The following CHURC1 variants were observed in gnomAD, a reference collection of about 807,000 sequenced individuals.
CHURC1 encodes churchill domain containing 1.
In CHURC1, 12 loss-of-function variants were observed where a neutral mutation model predicts 15.4. The observed-to-expected ratio is 0.78, with a 90% confidence interval of 0.50 to 1.27. The LOEUF is 1.27. Ranked by LOEUF, CHURC1 falls within the 50% of genes most tolerant of loss-of-function variation. The pLI is 0.00. For synonymous variants in CHURC1, 42 were observed against 47.5 expected (o/e 0.88, Z 0.48); for missense variants, 132 against 137.8 (o/e 0.96, Z 0.21).
At chr14:64,920,796 T>C (rs963939366) in intron 1 of CHURC1, among the ~76,000 whole-genome samples, 10 of 152,252 alleles carry the variant, frequency 6.6e-5, no homozygotes, top group Non-Finnish European at 1.5e-4. Flanking sequence ...CTTAATTTTT[T>C]GGAGTCCTTG....
chr14:64,924,327 T>C, intron 2 of CHURC1: 1 of 523,946 alleles, frequency 1.9e-6, no homozygotes, highest in East Asian at 4.1e-5. Context: ...CTTTTGCAGA[T>C]AACTAAAGCT....
chr14:64,915,613 C>G (rs1176240437), intron 1 of CHURC1, among the ~76,000 whole-genome samples: 1 of 152,094 alleles, frequency 6.6e-6, no homozygotes, highest in African/African-American at 2.4e-5. Flanking sequence ...TTCCTTATGT[C>G]TTAGTATCTT....
chr14:64,932,358 T>A lies in CHURC1; in HGVS notation c.*128T>A. On this transcript the variant is annotated 3_prime_UTR_variant, in exon 4 of 4. Transcript: ENST00000549115. ...TTTTTTTCTGCTTAGACTTACTTAT[T>A]CTTTGAGGAAAAAAGGTAATGTAGG... is the stretch of plus-strand genomic sequence containing the variant. 1 of 1,453,562 alleles carries A rather than the reference T, an allele frequency of 6.9e-7. No homozygotes were observed. Among genetic ancestry groups the A allele is most frequent in the South Asian group, 1.5e-5 (1 of 66,846 alleles). 90.0% of individuals were successfully genotyped at this position (1,453,562 alleles called of 1,614,324 possible).
chr14:64,917,785 A>G (rs754893668), intron 1 of CHURC1, among the ~76,000 whole-genome samples: 1 of 152,238 alleles, frequency 6.6e-6, no homozygotes, highest in Admixed American at 6.5e-5. Flanking sequence ...GGGGAGACCT[A>G]TACATGATCA....
At chr14:64,917,882 A>G (rs1254444503) in intron 1 of CHURC1, among the ~76,000 whole-genome samples, 1 of 152,242 alleles carries the variant, frequency 6.6e-6, no homozygotes, top group Non-Finnish European at 1.5e-5. Context: ...AAAAAACAAA[A>G]TTGGGGACAA....
intron 1 of CHURC1, among the ~76,000 whole-genome samples, chr14:64,915,290 G>C (rs1883795417): frequency 6.6e-6 from 1 of 152,204 alleles, no homozygotes; most frequent in East Asian, 1.9e-4. Flanking sequence ...GAGCCACCAC[G>C]TCCAGCTGGA....
chr14:64,929,570 T>G (rs529269192), intron 3 of CHURC1, among the ~76,000 whole-genome samples: 18 of 148,816 alleles, frequency 1.2e-4, no homozygotes, highest in Admixed American at 1.1e-3. Context: ...CCAGCCACCA[T>G]TGTTGTTTTA....
intron 3 of CHURC1, among the ~76,000 whole-genome samples, chr14:64,930,509 A>G (rs1435398050): frequency 1.3e-5 from 2 of 152,244 alleles, no homozygotes; most frequent in African/African-American, 4.8e-5. Flanking sequence ...TTGACTTGCA[A>G]TGAAATTTGG....
chr14:64,933,265 TGG>T lies in CHURC1; in HGVS notation c.*1036_*1037del, dbSNP rs1885174103. 2 of 514,988 alleles carry T rather than the reference TGG, an allele frequency of 3.9e-6. No individual in the cohort carries two copies. The highest frequency in any genetic ancestry group is 4.2e-5 in the African/African-American group (2 of 48,176). 31.9% of individuals were successfully genotyped at this position (514,988 alleles called of 1,614,324 possible). A position where few individuals can be genotyped will look rare whatever the true frequency, so the allele number is the denominator to read the frequency against. ...GAAGACATGACTGCTAGATGTAATG[TGG>T]TATCCTACATGGAATTATATACCAC... On this transcript the variant is annotated 3_prime_UTR_variant, in exon 4 of 4. Transcript: ENST00000549115.
intron 1 of CHURC1, among the ~76,000 whole-genome samples, chr14:64,915,640 C>T (rs1427435150): frequency 6.6e-6 from 1 of 152,160 alleles, no homozygotes; most frequent in Non-Finnish European, 1.5e-5. Flanking sequence ...AATACTTAGG[C>T]TTTTGAGTAG....
Position 64,932,280 on chromosome 14 carries a change from A to C in CHURC1, c.*50A>C. The C allele has an allele frequency of 6.3e-7, 1 of 1,593,084 alleles. No individual in the cohort carries two copies. The highest frequency in any genetic ancestry group is 8.6e-7 in the Non-Finnish European group (1 of 1,167,122). On this transcript the variant is annotated 3_prime_UTR_variant, in exon 4 of 4. Coordinates refer to ENST00000549115, the MANE Select transcript of CHURC1 (RefSeq NM_001386928.1). ...ACTATATTGTGTTGGTTTACAATAC[A>C]GCAAGCCTGATGGTTTGTCTTATTT... is the stretch of plus-strand genomic sequence containing the variant.
chr14:64,924,529 G>GCTGC (rs1884548552), intron 2 of CHURC1: 1 of 152,458 alleles, frequency 6.6e-6, no homozygotes, highest in African/African-American at 2.4e-5. Context: ...CTATTAAAGT[G>GCTGC]TTTAGGGCTG....
intron 1 of CHURC1, among the ~76,000 whole-genome samples, chr14:64,918,957 C>T (rs1424654490): frequency 6.6e-6 from 1 of 152,200 alleles, no homozygotes; most frequent in Non-Finnish European, 1.5e-5. Flanking sequence ...TTTATTTTTA[C>T]AGACTAGAAA....
intron 3 of CHURC1, 114 bp downstream of exon 3, chr14:64,926,194 A>T: frequency 4.1e-6 from 2 of 485,146 alleles, no homozygotes; most frequent in Non-Finnish European, 6.8e-6. Context: ...GTTAGCATAT[A>T]TTAAAGGAGA....
intron 1 of CHURC1, among the ~76,000 whole-genome samples, chr14:64,918,811 C>T (rs969149830): frequency 5.3e-5 from 8 of 152,082 alleles, no homozygotes; most frequent in African/African-American, 1.9e-4. Flanking sequence ...CCAGCCTGAG[C>T]AACAGAGCAA....
chr14:64,932,083 T>C, intron 3 of CHURC1, 55 bp from the exon 4 acceptor site: 1 of 1,584,808 alleles, frequency 6.3e-7, no homozygotes, highest in Non-Finnish European at 8.6e-7. Flanking sequence ...GAGTAAGTTA[T>C]AAAGCATCTT....
At position 64,928,823 on chromosome 14, in the gene CHURC1, T is replaced by C. The variant is rs184558892; in HGVS notation, c.246+2743T>C. Reference sequence around the variant, plus strand: ...ATCATTTTAACTGCTCCTTTGTGTTTTCTCTTAGTTTTCTTTCCTGTTTTC... The same window carrying C: ...ATCATTTTAACTGCTCCTTTGTGTTCTCTCTTAGTTTTCTTTCCTGTTTTC... On this transcript the variant is annotated intron_variant, in intron 3 of 3. Transcript: ENST00000549115. Among the ~76,000 whole-genome samples, 127 of 152,296 alleles carry C rather than the reference T, an allele frequency of 8.3e-4. 3 individuals carry two copies. In the South Asian group the frequency reaches 0.02, roughly 24 times the overall value.
Position 64,932,149 on chromosome 14 carries a change from G to T in CHURC1, c.258G>T (p.Met86Ile), listed in dbSNP as rs745454070. ...SIMDEFQEYT[M>I]LCLLCGKAED... ...TTATCTTGTTCTAGGAGTATACCAT[G>T]CTGTGTCTGTTATGCGGCAAAGCCG... is the stretch of plus-strand genomic sequence containing the variant. Residue 86 changes from methionine to isoleucine, a missense_variant, in exon 4 of 4, where the codon ATG becomes ATT. Met to Ile is a conservative substitution (Grantham distance 10). Coordinates refer to ENST00000549115, the MANE Select transcript of CHURC1 (RefSeq NM_001386928.1). 4.3e-6 allele frequency: 7 copies of T among 1,613,642 alleles called. No homozygotes were observed. The highest frequency in any genetic ancestry group is 1.7e-4 in the Middle Eastern group (1 of 6,060).
intron 1 of CHURC1, among the ~76,000 whole-genome samples, chr14:64,922,665 CT>C (rs954989782): frequency 2.6e-5 from 4 of 151,768 alleles, no homozygotes; most frequent in Non-Finnish European, 5.9e-5. Flanking sequence ...GCCCTTTTCC[CT>C]TTTAGTAGTT....
Sources: allele counts gnomAD v4.1 joint callset (sites outside exome capture counted in the v4.1 genomes callset), GRCh38; gene constraint gnomAD v4.1.1; transcripts MANE v1.5; gene names NCBI Gene and HGNC (gene_info 2026-07-23, HGNC 2026-07-21).